The following SLC25A33 variants were observed in gnomAD, a reference collection of about 807,000 sequenced individuals.
SLC25A33 encodes the protein solute carrier family 25 member 33.
SLC25A33 carries 15 observed loss-of-function variants against 35.5 expected under a neutral mutation model. The ratio of observed to expected loss-of-function variants is 0.42; its 90% CI spans 0.28 to 0.65. SLC25A33 has a LOEUF of 0.65. SLC25A33 is among the 30% of genes least tolerant of loss of function. The probability of loss-of-function intolerance (pLI) is 0.20; values close to 1 mark genes in which losing one functional copy is unlikely to be tolerated. For missense variants in SLC25A33, 257 were observed against 398.5 expected (o/e 0.64, Z 3.02); for synonymous variants, 136 against 148.7 (o/e 0.91, Z 0.62).
intron 2 of SLC25A33, among the ~76,000 whole-genome samples, chr1:9,562,050 A>AAG (rs35021783): frequency 1.5e-5 from 1 of 64,802 alleles, no homozygotes; most frequent in Non-Finnish European, 3.4e-5. Context: ...ACTCCGTCTC[A>AAG]AAAAAAAAAA....
intron 1 of SLC25A33, among the ~76,000 whole-genome samples, chr1:9,550,929 C>T (rs112635278): frequency 1.3e-5 from 2 of 151,850 alleles, no homozygotes; most frequent in African/African-American, 4.8e-5. Context: ...CCACCCATCT[C>T]GGCCTCCTAA....
Position 9,552,282 on chromosome 1 carries a change from C to T in SLC25A33, c.57-1344C>T, listed in dbSNP as rs144226832. Among the ~76,000 whole-genome samples, 574 of 152,240 alleles carry T rather than the reference C, an allele frequency of 3.8e-3. 2 individuals carry two copies. Among genetic ancestry groups the T allele is most frequent in the Middle Eastern group, 0.014 (4 of 294 alleles). ...CCAGGCTGGAGTGCAGTGACACAAT[C>T]TTGGCTCACTGCAACCTCTGCCTCC... On this transcript the variant is annotated intron_variant, in intron 1 of 6. Coordinates refer to ENST00000302692, the MANE Select transcript of SLC25A33 (RefSeq NM_032315.3).
intron 2 of SLC25A33, among the ~76,000 whole-genome samples, chr1:9,555,865 G>T (rs1196665408): frequency 4.6e-5 from 7 of 152,040 alleles, no homozygotes; most frequent in African/African-American, 1.7e-4. Context: ...TTGTATTTTT[G>T]GTAGAGACAG....
At chr1:9,559,246 C>T (rs1643386552) in intron 2 of SLC25A33, among the ~76,000 whole-genome samples, 1 of 152,136 alleles carries the variant, frequency 6.6e-6, no homozygotes, top group Non-Finnish European at 1.5e-5. Context: ...TTCTTTTCTC[C>T]CTCTTCACCA....
At chr1:9,553,540 G>C in intron 1 of SLC25A33, 86 bp from the exon 2 acceptor site, 1 of 1,518,556 alleles carries the variant, frequency 6.6e-7, no homozygotes, top group Non-Finnish European at 9.0e-7. Flanking sequence ...GCACGTTCTA[G>C]TTTTAAAGAG....
At chr1:9,568,780 G>A (rs1377664169) in intron 3 of SLC25A33, among the ~76,000 whole-genome samples, 3 of 152,078 alleles carry the variant, frequency 2.0e-5, no homozygotes, top group African/African-American at 4.8e-5. Context: ...GAACCCGGGA[G>A]GCGGAGCTTG....
At chr1:9,581,028 T>C (rs953607815) in intron 6 of SLC25A33, among the ~76,000 whole-genome samples, 5 of 152,110 alleles carry the variant, frequency 3.3e-5, no homozygotes, top group Non-Finnish European at 5.9e-5. Flanking sequence ...GAAAAACAGG[T>C]TTTATTTTCA....
chr1:9,567,166 C>T (rs886217669), intron 2 of SLC25A33, 118 bp from the exon 3 acceptor site: 7 of 822,772 alleles, frequency 8.5e-6, no homozygotes, highest in Middle Eastern at 2.4e-4. Context: ...AAGAGTCGAG[C>T]TTGACATCTC....
At chr1:9,567,948 G>T (rs112353736) in intron 3 of SLC25A33, among the ~76,000 whole-genome samples, 1 of 152,168 alleles carries the variant, frequency 6.6e-6, no homozygotes, top group Admixed American at 6.5e-5. Context: ...CAGAATTAAA[G>T]GTTCAGTTGC....
At chr1:9,562,157 G>A (rs1300449258) in intron 2 of SLC25A33, among the ~76,000 whole-genome samples, 1 of 151,958 alleles carries the variant, frequency 6.6e-6, no homozygotes, top group South Asian at 2.1e-4. Context: ...AGACCAGCCT[G>A]GCCAACATGG....
chr1:9,554,601 C>T (rs1025019685), intron 2 of SLC25A33, among the ~76,000 whole-genome samples: 5 of 148,242 alleles, frequency 3.4e-5, no homozygotes, highest in African/African-American at 7.5e-5. Context: ...TCAGGTGATC[C>T]GCCTGCCTCA....
At chr1:9,566,738 C>T (rs758292688) in intron 2 of SLC25A33, among the ~76,000 whole-genome samples, 114 of 152,004 alleles carry the variant, frequency 7.5e-4, no homozygotes, top group African/African-American at 1.9e-3. Flanking sequence ...CCCAGTTACT[C>T]GGGAGGCTGA....
At chr1:9,550,018 T>TA (rs1643243567) in intron 1 of SLC25A33, among the ~76,000 whole-genome samples, 1 of 103,076 alleles carries the variant, frequency 9.7e-6, no homozygotes, top group Non-Finnish European at 1.9e-5. Flanking sequence ...TATATTTTTT[T>TA]TTTTTTTTTT....
At chr1:9,571,181 T>A (rs1297074702) in intron 4 of SLC25A33, among the ~76,000 whole-genome samples, 1 of 152,236 alleles carries the variant, frequency 6.6e-6, no homozygotes, top group Non-Finnish European at 1.5e-5. Context: ...ATAGGGCATC[T>A]GTTCTCTTTT....
chr1:9,571,129 TA>T (rs1174391964), intron 4 of SLC25A33, among the ~76,000 whole-genome samples: 1 of 152,142 alleles, frequency 6.6e-6, no homozygotes, highest in African/African-American at 2.4e-5. Flanking sequence ...AATGAGGGTG[TA>T]GGGCTTGCAG....
intron 1 of SLC25A33, among the ~76,000 whole-genome samples, chr1:9,541,575 G>A (rs1186661835): frequency 6.6e-6 from 1 of 152,158 alleles, no homozygotes; most frequent in Non-Finnish European, 1.5e-5. Context: ...ACAGGCGTGA[G>A]CCACCATGCC....
chr1:9,558,523 T>C (rs946048635), intron 2 of SLC25A33, among the ~76,000 whole-genome samples: 2 of 152,164 alleles, frequency 1.3e-5, no homozygotes, highest in Non-Finnish European at 2.9e-5. Context: ...TTATTAGCCA[T>C]CCAAGAGTAA....
At chr1:9,570,224 T>C in intron 3 of SLC25A33, 34 bp from the exon 4 acceptor site, 2 of 1,581,018 alleles carry the variant, frequency 1.3e-6, no homozygotes, top group South Asian at 2.2e-5. Flanking sequence ...TGCACTGTGA[T>C]GATTTCTTTA....
intron 5 of SLC25A33, among the ~76,000 whole-genome samples, chr1:9,574,174 A>C (rs1569873949): frequency 1.4e-5 from 2 of 138,698 alleles, no homozygotes; most frequent in African/African-American, 2.7e-5. Flanking sequence ...CCCAGCCTCG[A>C]CCTCCCAGGC....
Sources: allele counts gnomAD v4.1 joint callset (sites outside exome capture counted in the v4.1 genomes callset), GRCh38; gene constraint gnomAD v4.1.1; transcripts MANE v1.5; gene names NCBI Gene and HGNC (gene_info 2026-07-23, HGNC 2026-07-21).